The following MACF1 variants were observed in gnomAD, a reference collection of about 807,000 sequenced individuals.
The protein encoded by MACF1 is microtubule actin crosslinking factor 1.
MACF1 carries 193 observed loss-of-function variants against 854.8 expected under a neutral mutation model. That is an observed-to-expected ratio of 0.23 (90% CI 0.20 to 0.25). The LOEUF is 0.25. Among genes scored for constraint, MACF1 ranks in the 10% least tolerant of loss-of-function variants. The pLI is 1.00. For synonymous variants in MACF1, 3,185 were observed against 3,226.7 expected (o/e 0.99, Z 0.44); for missense variants, 7,722 against 8,929.1 (o/e 0.86, Z 5.45).
chr1:39,419,583 A>T (rs1296601109), intron 58 of MACF1, among the ~76,000 whole-genome samples: 2 of 152,204 alleles, frequency 1.3e-5, no homozygotes, highest in East Asian at 3.8e-4. Flanking sequence ...AGGGATATTC[A>T]GCTTGTATAT....
chr1:39,086,996 C>T (rs1481009460), intron 2 of MACF1, among the ~76,000 whole-genome samples: 1 of 152,110 alleles, frequency 6.6e-6, no homozygotes, highest in Non-Finnish European at 1.5e-5. Context: ...GCAGCAGAGA[C>T]GAGGCGGGAC....
intron 58 of MACF1, among the ~76,000 whole-genome samples, chr1:39,416,645 C>T (rs1643324812): frequency 6.6e-6 from 1 of 152,220 alleles, no homozygotes; most frequent in Non-Finnish European, 1.5e-5. Flanking sequence ...CTTGTTTCCT[C>T]ATCTGCAAAA....
intron 49 of MACF1, among the ~76,000 whole-genome samples, chr1:39,363,087 A>G (rs974121446): frequency 6.6e-6 from 1 of 152,174 alleles, no homozygotes; most frequent in African/African-American, 2.4e-5. Flanking sequence ...TTTTGTCCTT[A>G]GCCTATGACC....
intron 88 of MACF1, 87 bp from the exon 89 acceptor site, chr1:39,454,822 A>G: frequency 8.6e-7 from 1 of 1,156,434 alleles, no homozygotes; most frequent in Non-Finnish European, 1.2e-6. Flanking sequence ...ATAAAAAGCC[A>G]TTATGAAAAT....
At chr1:39,167,713 GA>G (rs199507371) in intron 2 of MACF1, among the ~76,000 whole-genome samples, 3,508 of 141,660 alleles carry the variant, frequency 0.025, 82 homozygotes, top group East Asian at 0.14. Flanking sequence ...TCTCAAAAAA[GA>G]AAAAAAAAAA....
chr1:39,359,020 A>G (rs758354608), intron 46 of MACF1, 121 bp from the exon 47 acceptor site: 20 of 1,417,742 alleles, frequency 1.4e-5, no homozygotes, highest in Non-Finnish European at 1.9e-5. Flanking sequence ...ACTTGCTTCT[A>G]ATATTTATGG....
chr1:39,417,670 C>T lies in MACF1; in HGVS notation c.15817-4704C>T, dbSNP rs566636308. Reference sequence around the variant, plus strand: ...CAAGCAATTCTCCTGCCCCAGCCTCCGAAGTAGTTGGGATTACAGGAATGT... The same window carrying T: ...CAAGCAATTCTCCTGCCCCAGCCTCTGAAGTAGTTGGGATTACAGGAATGT... On this transcript the variant is annotated intron_variant, in intron 58 of 100. Coordinates refer to ENST00000564288, the MANE Select transcript of MACF1 (RefSeq NM_001394062.1). 6.7e-5 allele frequency among the ~76,000 whole-genome samples: 10 copies of T among 149,600 alleles called. No individual in the cohort carries two copies. In the South Asian group the frequency reaches 1.7e-3, roughly 25 times the overall value.
At position 39,084,652 on chromosome 1, in the gene MACF1, A is replaced by T. The variant is rs531514502; in HGVS notation, c.220+214A>T. ...ATCTGCCACCCCTTGCTCACGTGAG[A>T]CCTGTTTTCATTTCTGCACCTTCTT... is the stretch of plus-strand genomic sequence containing the variant. On this transcript the variant is annotated intron_variant, in intron 2 of 93. Coordinates refer to the MACF1 transcript ENST00000361689. The surrounding 1 kb of genome is among the most constrained non-coding windows in gnomAD (Gnocchi z 5.2). 6.6e-6 allele frequency among the ~76,000 whole-genome samples: 1 copy of T among 152,220 alleles called. No homozygotes were observed. The highest frequency in any genetic ancestry group is 1.5e-5 in the Non-Finnish European group (1 of 68,012).
intron 23 of MACF1, among the ~76,000 whole-genome samples, chr1:39,306,610 C>CTT (rs35360749): frequency 3.2e-5 from 4 of 124,510 alleles, no homozygotes; most frequent in African/African-American, 1.2e-4. Flanking sequence ...ACCATTCTAT[C>CTT]TTTTTTTTTT....
At chr1:39,220,586 G>T (rs552014209) in intron 1 of MACF1, among the ~76,000 whole-genome samples, 7 of 149,030 alleles carry the variant, frequency 4.7e-5, no homozygotes, top group Non-Finnish European at 1.0e-4. Context: ...GAGTTCAAGC[G>T]ATTCTCCTGC....
At chr1:39,265,226 A>T (rs1341584941) in intron 6 of MACF1, among the ~76,000 whole-genome samples, 1 of 152,012 alleles carries the variant, frequency 6.6e-6, no homozygotes, top group African/African-American at 2.4e-5. Context: ...TGGCATATAG[A>T]TGAGGCACCA....
intron 6 of MACF1, among the ~76,000 whole-genome samples, chr1:39,272,046 G>A (rs1645332045): frequency 6.6e-6 from 1 of 152,128 alleles, no homozygotes; most frequent in South Asian, 2.1e-4. Flanking sequence ...TTTCACTGCA[G>A]ACACAGTCAT....
In MACF1 at chr1:39,340,897, G is replaced by A. The variant is rs750336829; in HGVS notation, c.10525G>A (p.Gly3509Arg). The change falls in exon 40 of 101, where the codon GGA (glycine) becomes AGA (arginine). Residue 3509 changes from glycine (G) to arginine (R), a missense_variant. Physicochemically the swap from Gly to Arg is moderately radical, Grantham distance 125. This residue lies in a region of MACF1 where 854 missense variants were observed against 852.6 expected (regional missense o/e 1.00). Coordinates refer to ENST00000564288, the MANE Select transcript of MACF1 (RefSeq NM_001394062.1). The stretch of plus-strand genomic sequence containing the variant: ...TAAAAATCTTATTCTGAACAGCAAG[G>A]GATCTAACAGTGAAATAGATGTTGA... ...GNKNLILNSK[G>R]SNSEIDVDSL... The A allele has an allele frequency of 8.7e-6, 14 of 1,613,596 alleles. No individual in the cohort carries two copies. The highest frequency in any genetic ancestry group is 1.2e-5 in the Non-Finnish European group (14 of 1,179,722).
rs1646803452 is a variant in MACF1, at chr1:39,335,980, A to G, written c.9392A>G (p.Lys3131Arg). ...AQVTGPSQISKTDKSFQGTTR... is the reference protein window; with the variant it reads ...AQVTGPSQISRTDKSFQGTTR... ...GTGACAGGCCCATCCCAAATTTCCA[A>G]AACAGACAAGTCTTTCCAAGGAACC... The change falls in exon 37 of 101, where the codon AAA (lysine) becomes AGA (arginine). Residue 3131 changes from lysine to arginine, a missense_variant. Transcript: ENST00000564288. 1.9e-6 allele frequency: 3 copies of G among 1,614,198 alleles called. No individual in the cohort carries two copies. The highest frequency in any genetic ancestry group is 3.3e-5 in the Admixed American group (2 of 60,018).
chr1:39,267,285 G>T (rs1231917006), intron 6 of MACF1, among the ~76,000 whole-genome samples: 1 of 152,144 alleles, frequency 6.6e-6, no homozygotes, highest in African/African-American at 2.4e-5. Flanking sequence ...AGGCTGGAGT[G>T]CAGTGACATG....
chr1:39,105,599 C>G lies in MACF1; in HGVS notation c.220+21161C>G. ...CCTGGAACCGGCAGCCCCCGGGGCT[C>G]GGCGAGAAGGCGGTGCGGGCGGCCA... On this transcript the variant is annotated intron_variant, in intron 2 of 93. Transcript: ENST00000361689. The surrounding 1 kb of genome is among the most constrained non-coding windows in gnomAD (Gnocchi z 5.9). 5 of 1,213,984 alleles carry G rather than the reference C, an allele frequency of 4.1e-6. No homozygotes were observed. Among genetic ancestry groups the G allele is most frequent in the Non-Finnish European group, 4.2e-6 (4 of 950,838 alleles). 75.2% of individuals were successfully genotyped at this position (1,213,984 alleles called of 1,614,324 possible).
chr1:39,371,613 G>A (rs911323858), intron 51 of MACF1, among the ~76,000 whole-genome samples: 4 of 152,058 alleles, frequency 2.6e-5, no homozygotes, highest in South Asian at 2.1e-4. Context: ...GTTTCCTGAC[G>A]GATTTCTGTG....
chr1:39,292,187 C>G, intron 16 of MACF1, 149 bp downstream of exon 16: 1 of 871,832 alleles, frequency 1.1e-6, no homozygotes, highest in South Asian at 2.0e-5. Flanking sequence ...ATTCCCTTTT[C>G]ACATGAAGTG....
At chr1:39,199,493 C>T (rs1179069359) in intron 2 of MACF1, among the ~76,000 whole-genome samples, 1 of 151,838 alleles carries the variant, frequency 6.6e-6, no homozygotes, top group Admixed American at 6.6e-5. Context: ...GAAAAAAAGA[C>T]AGAAAAAGCT....
Sources: gnomAD v4.1 joint callset for allele counts (sites outside exome capture counted in the v4.1 genomes callset) on GRCh38, gnomAD v4.1.1 for gene constraint, gnomAD v4.1.1 regional missense constraint, Gnocchi (gnomAD v3.1) non-coding constraint, MANE v1.5 for transcripts, NCBI Gene and HGNC (gene_info 2026-07-23, HGNC 2026-07-21) for gene names.